TRDN: variants seen among roughly 807,000 people sequenced by gnomAD.
TRDN encodes triadin, also known as triadin in skeletal muscle.
In TRDN, 161 loss-of-function variants were observed where a neutral mutation model predicts 149.7. The observed-to-expected ratio is 1.08, with a 90% CI of 0.95 to 1.23. The LOEUF is 1.23. TRDN is among the 50% of genes most tolerant of loss of function. The pLI, the probability that TRDN is intolerant of heterozygous loss-of-function variation, is 0.00. For missense variants in TRDN, 896 were observed against 823.5 expected, an observed-to-expected ratio of 1.09 and a Z score of -1.08; for synonymous variants, 294 against 250.5, an observed-to-expected ratio of 1.17 and a Z score of -1.64.
chr6:123,244,023 A>C (rs1272231627), intron 38 of TRDN, among the ~76,000 whole-genome samples: 1 of 152,202 alleles, frequency 6.6e-6, no homozygotes, highest in Non-Finnish European at 1.5e-5. Flanking sequence ...GTTAGAAAGA[A>C]AACTAACAGA....
At chr6:123,496,025 G>T (rs1778428747) in intron 9 of TRDN, among the ~76,000 whole-genome samples, 2 of 145,676 alleles carry the variant, frequency 1.4e-5, no homozygotes, top group Admixed American at 6.9e-5. Context: ...CACAAACATC[G>T]ATATTATTAA....
chr6:123,247,502 G>A (rs1022768575), intron 38 of TRDN, among the ~76,000 whole-genome samples: 2 of 152,160 alleles, frequency 1.3e-5, no homozygotes, highest in African/African-American at 2.4e-5. Context: ...ATTCACAATT[G>A]CTACAAAGAG....
At chr6:123,327,809 C>A (rs1779514795) in intron 23 of TRDN, among the ~76,000 whole-genome samples, 1 of 152,008 alleles carries the variant, frequency 6.6e-6, no homozygotes, top group African/African-American at 2.4e-5. Context: ...AATTCTTATA[C>A]CTTTTCTCCA....
chr6:123,353,743 C>G (rs1780553707), intron 20 of TRDN, among the ~76,000 whole-genome samples: 1 of 151,516 alleles, frequency 6.6e-6, no homozygotes, highest in African/African-American at 2.4e-5. Flanking sequence ...TTTGAATATG[C>G]ACTGGTTAGA....
chr6:123,322,765 C>G (rs950966388), intron 23 of TRDN, among the ~76,000 whole-genome samples: 4 of 151,926 alleles, frequency 2.6e-5, no homozygotes, highest in African/African-American at 9.6e-5. Context: ...CTCAGCCTCC[C>G]CAGCAGCTGG....
At chr6:123,622,860 A>G (rs1312646166) in intron 1 of TRDN, among the ~76,000 whole-genome samples, 3 of 152,170 alleles carry the variant, frequency 2.0e-5, no homozygotes, top group Non-Finnish European at 4.4e-5. Flanking sequence ...CTCTAAGCAC[A>G]TGTAGAGTTC....
chr6:123,220,414 G>T (rs1366076166), intron 40 of TRDN, among the ~76,000 whole-genome samples: 5 of 151,810 alleles, frequency 3.3e-5, no homozygotes, highest in Non-Finnish European at 5.9e-5. Context: ...ATTATTACCA[G>T]TAGGTTAATA....
chr6:123,484,547 A>C (rs1331829585), intron 9 of TRDN, among the ~76,000 whole-genome samples: 1 of 152,194 alleles, frequency 6.6e-6, no homozygotes, highest in Non-Finnish European at 1.5e-5. Context: ...GCAGCAATTC[A>C]AATTACTCTG....
At chr6:123,539,260 T>C (rs896612912) in intron 4 of TRDN, among the ~76,000 whole-genome samples, 1 of 152,198 alleles carries the variant, frequency 6.6e-6, no homozygotes, top group East Asian at 1.9e-4. Context: ...TTAGGGATCT[T>C]AAAAGGCAGA....
chr6:123,237,043 G>T (rs1208813219), intron 38 of TRDN, among the ~76,000 whole-genome samples: 3 of 151,940 alleles, frequency 2.0e-5, no homozygotes, highest in African/African-American at 7.3e-5. Context: ...ATATGGTATA[G>T]CTCTACTTAT....
At chr6:123,470,207 A>G (rs1355343957) in intron 9 of TRDN, 1 of 152,136 alleles carries the variant, frequency 6.6e-6, no homozygotes, top group Non-Finnish European at 1.5e-5. Context: ...TACAACATAT[A>G]TAGGACTTCC....
intron 9 of TRDN, among the ~76,000 whole-genome samples, chr6:123,478,163 C>A (rs1777587170): frequency 6.6e-6 from 1 of 151,658 alleles, no homozygotes; most frequent in South Asian, 2.1e-4. Flanking sequence ...TTTGGACAGT[C>A]AAGATAAATG....
intron 10 of TRDN, chr6:123,439,605 G>A (rs981489266): frequency 2.0e-5 from 3 of 152,152 alleles, no homozygotes; most frequent in African/African-American, 7.2e-5. Context: ...GCACCCAGAG[G>A]TTGCAGTAAG....
intron 1 of TRDN, among the ~76,000 whole-genome samples, chr6:123,632,300 C>A (rs910644243): frequency 6.6e-6 from 1 of 151,978 alleles, no homozygotes. Context: ...TTCCTTCCCT[C>A]CTTTCTTGCT....
intron 22 of TRDN, among the ~76,000 whole-genome samples, chr6:123,333,665 A>G (rs948645091): frequency 1.3e-5 from 2 of 151,990 alleles, no homozygotes; most frequent in Non-Finnish European, 2.9e-5. Context: ...GGAAGTGAGG[A>G]GGATATTAAA....
chr6:123,430,007 T>C (rs962655164), intron 12 of TRDN, among the ~76,000 whole-genome samples: 8 of 152,186 alleles, frequency 5.3e-5, no homozygotes, highest in African/African-American at 1.9e-4. Flanking sequence ...CAGTGACTCA[T>C]GCCTGTAATC....
At chr6:123,488,000 T>A (rs1778046813) in intron 9 of TRDN, among the ~76,000 whole-genome samples, 1 of 152,158 alleles carries the variant, frequency 6.6e-6, no homozygotes, top group Admixed American at 6.6e-5. Flanking sequence ...TTTAAATAAT[T>A]ACTCATTTCA....
intron 19 of TRDN, among the ~76,000 whole-genome samples, chr6:123,375,048 T>G (rs115586030): frequency 6.6e-6 from 1 of 152,180 alleles, no homozygotes; most frequent in Admixed American, 6.5e-5. Flanking sequence ...CTAAGAAATA[T>G]CAACAATTTC....
intron 24 of TRDN, among the ~76,000 whole-genome samples, chr6:123,298,381 C>T (rs1778284125): frequency 6.6e-6 from 1 of 151,892 alleles, no homozygotes; most frequent in Non-Finnish European, 1.5e-5. Flanking sequence ...CATACCATGC[C>T]CATTTACTAA....
Sources: gnomAD v4.1 joint callset for allele counts (sites outside exome capture counted in the v4.1 genomes callset) on GRCh38, gnomAD v4.1.1 for gene constraint, MANE v1.5 for transcripts, NCBI Gene and HGNC (gene_info 2026-07-23, HGNC 2026-07-21) for gene names.